The following CALN1 variants were observed in gnomAD, a reference collection of about 807,000 sequenced individuals.
The protein encoded by CALN1 is calcium-binding protein 8.
In CALN1, 17 loss-of-function variants were observed where a neutral mutation model predicts 30.6. That is an observed-to-expected ratio of 0.56 (90% CI 0.38 to 0.83). CALN1 has a LOEUF of 0.83. Ranked by LOEUF, CALN1 falls within the 40% of genes least tolerant of loss-of-function variation. The pLI is 0.00. For synonymous variants in CALN1, 156 were observed against 131.4 expected (o/e 1.19, Z -1.28); for missense variants, 291 against 354.9 (o/e 0.82, Z 1.45).
At chr7:71,884,390 C>A (rs1159026888) in intron 5 of CALN1, among the ~76,000 whole-genome samples, 1 of 152,128 alleles carries the variant, frequency 6.6e-6, no homozygotes, top group Non-Finnish European at 1.5e-5. Flanking sequence ...AAACACTGGA[C>A]AGGGCGGACA....
chr7:71,905,366 T>C lies in CALN1; in HGVS notation c.502-94874A>G, dbSNP rs571602065. On this transcript the variant is annotated intron_variant, in intron 5 of 6. Coordinates refer to ENST00000395275, the MANE Select transcript of CALN1 (RefSeq NM_031468.4). The stretch of plus-strand genomic sequence containing the variant: ...GTACCCATCACCTGAGTAGTGTACA[T>C]TGTACCTAATGTGTAGTTTTTTTTT... Among the ~76,000 whole-genome samples, 10 of 151,126 alleles carry C rather than the reference T, an allele frequency of 6.6e-5. No homozygotes were observed. In the South Asian group the frequency reaches 2.1e-3, roughly 32 times the overall value.
chr7:71,910,883 T>C (rs1794393420), intron 5 of CALN1, among the ~76,000 whole-genome samples: 1 of 152,160 alleles, frequency 6.6e-6, no homozygotes, highest in African/African-American at 2.4e-5. Context: ...TTCTGTTATT[T>C]GTGCCAAACA....
At chr7:72,312,394 G>GAAA (rs768174448) in intron 2 of CALN1, among the ~76,000 whole-genome samples, 13 of 71,790 alleles carry the variant, frequency 1.8e-4, no homozygotes, top group African/African-American at 4.1e-4. Flanking sequence ...CTTCATCTCA[G>GAAA]AAAAAAAAAA....
chr7:71,995,852 A>C (rs1421464079), intron 5 of CALN1, among the ~76,000 whole-genome samples: 1 of 152,018 alleles, frequency 6.6e-6, no homozygotes, highest in African/African-American at 2.4e-5. Context: ...GGATTCAACC[A>C]CAAGTGCGTG....
intron 6 of CALN1, among the ~76,000 whole-genome samples, chr7:71,791,826 G>A (rs977287311): frequency 3.9e-5 from 6 of 152,148 alleles, no homozygotes; most frequent in East Asian, 1.9e-4. Flanking sequence ...TGGCTAACAC[G>A]GTGAAACCCT....
At chr7:72,021,909 T>C (rs1459569721) in intron 5 of CALN1, among the ~76,000 whole-genome samples, 1 of 152,154 alleles carries the variant, frequency 6.6e-6, no homozygotes, top group Non-Finnish European at 1.5e-5. Flanking sequence ...TGTTGCTCCA[T>C]GATCTGACCC....
At chr7:72,153,894 T>A (rs1207479034) in intron 3 of CALN1, among the ~76,000 whole-genome samples, 1 of 152,080 alleles carries the variant, frequency 6.6e-6, no homozygotes, top group Admixed American at 6.6e-5. Flanking sequence ...TTAGAATGAT[T>A]TTTAAATGTG....
chr7:72,299,296 C>G (rs1391874668), intron 2 of CALN1, among the ~76,000 whole-genome samples: 1 of 152,088 alleles, frequency 6.6e-6, no homozygotes, highest in Admixed American at 6.6e-5. Flanking sequence ...AGACAAGAAG[C>G]CCATTATGTC....
At chr7:72,161,215 C>G in intron 3 of CALN1, among the ~76,000 whole-genome samples, 1 of 152,208 alleles carries the variant, frequency 6.6e-6, no homozygotes, top group African/African-American at 2.4e-5. Flanking sequence ...CTTGGGAAAT[C>G]TCAAGGGAAC....
intron 4 of CALN1, among the ~76,000 whole-genome samples, chr7:72,061,529 A>T (rs844758): frequency 0.49 from 73,704 of 151,486 alleles, 18,137 homozygotes; most frequent in East Asian, 0.65. Flanking sequence ...CTAAAAAAAA[A>T]AAAACAGTAA....
intron 3 of CALN1, among the ~76,000 whole-genome samples, chr7:72,235,042 G>C (rs544982535): frequency 1.3e-5 from 2 of 152,126 alleles, no homozygotes; most frequent in African/African-American, 4.8e-5. Context: ...GCCAAGGTGA[G>C]AGAATCACTT....
At chr7:72,406,973 C>G (rs536688821) in intron 1 of CALN1, among the ~76,000 whole-genome samples, 2 of 152,220 alleles carry the variant, frequency 1.3e-5, no homozygotes, top group African/African-American at 4.8e-5. Context: ...ACTGAAAATG[C>G]CCCTGGAACA....
intron 3 of CALN1, among the ~76,000 whole-genome samples, chr7:72,163,587 A>G (rs975582778): frequency 1.2e-4 from 18 of 152,146 alleles, no homozygotes; most frequent in African/African-American, 4.3e-4. Context: ...GAGAAACAAA[A>G]ACTATTACAA....
chr7:72,265,049 T>C (rs534457007), intron 3 of CALN1, among the ~76,000 whole-genome samples: 1 of 152,342 alleles, frequency 6.6e-6, no homozygotes, highest in Admixed American at 6.5e-5. Context: ...CTCGAACTTC[T>C]GGCCTCCAGT....
At chr7:72,017,500 G>A (rs1215531899) in intron 5 of CALN1, among the ~76,000 whole-genome samples, 1 of 152,140 alleles carries the variant, frequency 6.6e-6, no homozygotes, top group Non-Finnish European at 1.5e-5. Flanking sequence ...CTTGCACATT[G>A]CACACAGCTG....
chr7:71,819,622 TATTA>T (rs1788479517), intron 5 of CALN1, among the ~76,000 whole-genome samples: 1 of 152,210 alleles, frequency 6.6e-6, no homozygotes, highest in African/African-American at 2.4e-5. Context: ...TGTACACTAT[TATTA>T]ATTATCATTA....
chr7:72,235,356 G>A (rs977540911), intron 3 of CALN1, among the ~76,000 whole-genome samples: 10 of 152,032 alleles, frequency 6.6e-5, no homozygotes, highest in African/African-American at 1.9e-4. Context: ...GTGTGTCCAC[G>A]CCTTATAGAA....
chr7:72,249,025 A>G (rs1011154894), intron 3 of CALN1, among the ~76,000 whole-genome samples: 2 of 152,224 alleles, frequency 1.3e-5, no homozygotes, highest in Non-Finnish European at 2.9e-5. Flanking sequence ...AAAAAATCAC[A>G]TAAGCAGTGA....
At chr7:72,335,574 C>CA (rs145356184) in intron 2 of CALN1, among the ~76,000 whole-genome samples, 4 of 152,160 alleles carry the variant, frequency 2.6e-5, no homozygotes, top group East Asian at 1.9e-4. Context: ...TCCCTGAGCC[C>CA]AAAAAAGTCT....
Sources: gnomAD v4.1 joint callset for allele counts (sites outside exome capture counted in the v4.1 genomes callset) on GRCh38, gnomAD v4.1.1 for gene constraint, MANE v1.5 for transcripts, NCBI Gene and HGNC (gene_info 2026-07-23, HGNC 2026-07-21) for gene names.